FSCN1: variants seen among roughly 807,000 people sequenced by gnomAD.
FSCN1 encodes fascin.
Under a neutral mutation model 39.7 loss-of-function variants are expected in FSCN1, and 10 were observed. That is an observed-to-expected ratio of 0.25 (90% confidence interval 0.16 to 0.43). FSCN1 has a LOEUF of 0.43. FSCN1 is among the 20% of genes least tolerant of loss of function. The pLI, the probability that FSCN1 is intolerant of heterozygous loss-of-function variation, is 1.00. For synonymous variants in FSCN1, 322 were observed against 320.0 expected, an observed-to-expected ratio of 1.01 and a Z score of -0.07; for missense variants, 525 against 723.8, an observed-to-expected ratio of 0.73 and a Z score of 3.15.
intron 1 of FSCN1, among the ~76,000 whole-genome samples, chr7:5,597,425 G>T (rs1475962288): frequency 6.6e-6 from 1 of 151,736 alleles, no homozygotes; most frequent in African/African-American, 2.4e-5. Flanking sequence ...CAGCACTTTG[G>T]GAGTCCAAGG....
intron 1 of FSCN1, among the ~76,000 whole-genome samples, chr7:5,602,320 A>G (rs1200063544): frequency 6.6e-6 from 1 of 151,682 alleles, no homozygotes; most frequent in Non-Finnish European, 1.5e-5. Flanking sequence ...TGCAGGAGAT[A>G]TGAGCCACCG....
chr7:5,603,130 G>A lies in FSCN1; in HGVS notation c.833-127G>A. ...CTGCTTCTCATGTGTGCCACTGTGG[G>A]GACTCGGCCGCCCACCCCACCCCGT... On this transcript the variant is annotated intron_variant, in intron 1 of 4. Transcript: ENST00000382361. This position sits in a 1 kb window ranked among gnomAD's most constrained non-coding sequence, Gnocchi z 8.5. 4 of 1,021,774 alleles carry A rather than the reference G, an allele frequency of 3.9e-6. No individual in the cohort carries two copies. Among genetic ancestry groups the A allele is most frequent in the Non-Finnish European group, 5.9e-6 (4 of 683,206 alleles). The allele number at this position is 1,021,774 out of a possible 1,614,324, so 63.3% of individuals were successfully genotyped here.
rs916137697 is a variant in FSCN1 at position 5,599,959 on chromosome 7, G to A, written c.833-3298G>A. Among the ~76,000 whole-genome samples the A allele has an allele frequency of 1.3e-5, 2 of 152,204 alleles. No individual in the cohort carries two copies. The highest frequency in any genetic ancestry group is 4.8e-5 in the African/African-American group (2 of 41,448). ...AAGACACTCTCCAGCTCTGAGCCAG[G>A]CACCCATACAGAGCCCGGCAGACGC... On this transcript the variant is annotated intron_variant, in intron 1 of 4. Transcript: ENST00000382361. The surrounding 1 kb of genome is among the most constrained non-coding windows in gnomAD (Gnocchi z 5.6).
At chr7:5,604,124 C>T (rs763821497) in intron 4 of FSCN1, 94 bp downstream of exon 4, 7 of 1,244,472 alleles carry the variant, frequency 5.6e-6, no homozygotes, top group South Asian at 1.4e-5. Flanking sequence ...CCACACTGGA[C>T]CCTGGCTTGG....
At position 5,603,816 on chromosome 7, in the gene FSCN1, C is replaced by T. The variant is rs1263068984; in HGVS notation, c.1112-47C>T. The stretch of plus-strand genomic sequence containing the variant: ...CCTCTCTGGTCACCCCAGCCTCCAC[C>T]CCACTCCCTGCCAGGAGGCTCACTG... On this transcript the variant is annotated intron_variant, in intron 3 of 4. Transcript: ENST00000382361. The surrounding 1 kb of genome is among the most constrained non-coding windows in gnomAD (Gnocchi z 8.5). 5 of 1,583,622 alleles carry T rather than the reference C, an allele frequency of 3.2e-6. No homozygotes were observed. The Admixed American group carries it at 5.0e-5, about 16-fold the overall frequency.
Position 5,603,146 on chromosome 7 carries a change from C to G in FSCN1, c.833-111C>G. On this transcript the variant is annotated intron_variant, in intron 1 of 4. Coordinates refer to ENST00000382361, the MANE Select transcript of FSCN1 (RefSeq NM_003088.4). The surrounding 1 kb of genome is among the most constrained non-coding windows in gnomAD (Gnocchi z 8.5). ...CCACTGTGGGGACTCGGCCGCCCAC[C>G]CCACCCCGTGGTGTTACCTTGCGTG... 2.3e-6 allele frequency: 3 copies of G among 1,283,336 alleles called. No individual in the cohort carries two copies. Among genetic ancestry groups the G allele is most frequent in the Non-Finnish European group, 3.3e-6 (3 of 916,066 alleles). 79.5% of individuals were successfully genotyped at this position (1,283,336 alleles called of 1,614,324 possible).
rs1785861650 is a variant in FSCN1, at chr7:5,603,013, A to G, written c.833-244A>G. 3.6e-6 allele frequency: 2 copies of G among 553,026 alleles called. No individual in the cohort carries two copies. Among genetic ancestry groups the G allele is most frequent in the Non-Finnish European group, 6.5e-6 (2 of 308,788 alleles). 34.3% of individuals were successfully genotyped at this position (553,026 alleles called of 1,614,324 possible). A position where few individuals can be genotyped will look rare whatever the true frequency, so the allele number is the denominator to read the frequency against. ...GCATGAGCCCCTGTCCCTGGCCCCT[A>G]TTATTTCTCTAACTGGGGAAAGTCA... On this transcript the variant is annotated intron_variant, in intron 1 of 4. Coordinates refer to ENST00000382361, the MANE Select transcript of FSCN1 (RefSeq NM_003088.4). The surrounding 1 kb of genome is among the most constrained non-coding windows in gnomAD (Gnocchi z 8.5).
chr7:5,602,318 A>G (rs903057810), intron 1 of FSCN1, among the ~76,000 whole-genome samples: 2 of 151,146 alleles, frequency 1.3e-5, no homozygotes, highest in African/African-American at 4.9e-5. Flanking sequence ...ATTGCAGGAG[A>G]TATGAGCCAC....
intron 1 of FSCN1, among the ~76,000 whole-genome samples, chr7:5,601,911 C>A (rs1785837735): frequency 6.6e-6 from 1 of 150,742 alleles, no homozygotes; most frequent in Admixed American, 6.6e-5. Flanking sequence ...TGTAGGACTT[C>A]ATAGTTTCCT....
chr7:5,599,817 A>G lies in FSCN1; in HGVS notation c.833-3440A>G, dbSNP rs1401076636. 2.0e-5 allele frequency among the ~76,000 whole-genome samples: 3 copies of G among 151,876 alleles called. No homozygotes were observed. The highest frequency in any genetic ancestry group is 7.3e-5 in the African/African-American group (3 of 41,336). ...GCAAGACCCTATCTCTAAAAAAAAAATGGAATTGAGGATGTGTCCTCTGGG... is the reference window on the plus strand; with the variant it reads ...GCAAGACCCTATCTCTAAAAAAAAAGTGGAATTGAGGATGTGTCCTCTGGG... On this transcript the variant is annotated intron_variant, in intron 1 of 4. Transcript: ENST00000382361. The surrounding 1 kb of genome is among the most constrained non-coding windows in gnomAD (Gnocchi z 5.6).
chr7:5,594,022 G>T, intron 1 of FSCN1: 2 of 506,438 alleles, frequency 3.9e-6, no homozygotes, highest in Non-Finnish European at 3.4e-6. Context: ...CCGCGGAGTC[G>T]CAACCGTACG....
rs1296059650 is a variant in FSCN1 at position 5,593,766 on chromosome 7, A to T, written c.830A>T (p.Gln277Leu). 1 of 1,561,624 alleles carries T rather than the reference A, an allele frequency of 6.4e-7. No individual in the cohort carries two copies. The highest frequency in any genetic ancestry group is 8.6e-7 in the Non-Finnish European group (1 of 1,157,214). ...AANERNVSTR[Q>L]GMDLSANQDE... is the part of the protein sequence containing the mutation. ...AACGAGAGGAACGTGTCCACGCGCC[A>T]GGGTGAGTGGGGACGCTGCCCCCGC... Residue 277 changes from glutamine (Q) to leucine (L), a missense_variant and splice_region_variant, in exon 1 of 5, where the codon CAG (glutamine) becomes CTG (leucine). Coordinates refer to ENST00000382361, the MANE Select transcript of FSCN1 (RefSeq NM_003088.4).
chr7:5,597,562 G>A (rs1347338486), intron 1 of FSCN1, among the ~76,000 whole-genome samples: 1 of 151,854 alleles, frequency 6.6e-6, no homozygotes, highest in Non-Finnish European at 1.5e-5. Flanking sequence ...AGCTACTCTG[G>A]AGGCTGAGGC....
rs558846886 is a variant in FSCN1 at position 5,598,839 on chromosome 7, G to A, written c.833-4418G>A. On this transcript the variant is annotated intron_variant, in intron 1 of 4. Transcript: ENST00000382361. ...AGCGGGGCTTCAGCGGAGCCCCAGCGCATTGGACAGGTGGTGCTCTGTGGC... is the reference window on the plus strand; with the variant it reads ...AGCGGGGCTTCAGCGGAGCCCCAGCACATTGGACAGGTGGTGCTCTGTGGC... 1.6e-3 allele frequency among the ~76,000 whole-genome samples: 238 copies of A among 152,348 alleles called. 1 individual carries two copies. The highest frequency in any genetic ancestry group is 5.6e-3 in the African/African-American group (233 of 41,590).
chr7:5,603,354 C>G lies in FSCN1; in HGVS notation c.930C>G (p.His310Gln). The G allele has an allele frequency of 6.2e-7, 1 of 1,613,764 alleles. No individual in the cohort carries two copies. The highest frequency in any genetic ancestry group is 8.5e-7 in the Non-Finnish European group (1 of 1,180,022). ...CCAAAAAGTGTGCCTTCCGTACCCA[C>G]ACGGGCAAGTACTGGACGCTGACGG... ...RDTKKCAFRTHTGKYWTLTAT... is the reference protein window; with the variant it reads ...RDTKKCAFRTQTGKYWTLTAT... Residue 310 changes from histidine (H) to glutamine (Q), a missense_variant, in exon 2 of 5, where the codon CAC becomes CAG. This residue lies in a region of FSCN1 where 275 missense variants were observed against 351.9 expected (regional missense o/e 0.78). Coordinates refer to ENST00000382361, the MANE Select transcript of FSCN1 (RefSeq NM_003088.4). The surrounding 1 kb of genome is among the most constrained non-coding windows in gnomAD (Gnocchi z 8.5).
rs35078148 is a variant in FSCN1 at position 5,603,759 on chromosome 7, G to GGCT, written c.1112-103_1112-102insCTG. ...CTGGCCCCGCACTGTCCTACCCTGGGGACTGCTGTGTGACCCCAGCTCCTG... is the reference window on the plus strand; with the variant it reads ...CTGGCCCCGCACTGTCCTACCCTGGGGCTGACTGCTGTGTGACCCCAGCTCCTG... On this transcript the variant is annotated intron_variant, in intron 3 of 4. Coordinates refer to ENST00000382361, the MANE Select transcript of FSCN1 (RefSeq NM_003088.4). The surrounding 1 kb of genome is among the most constrained non-coding windows in gnomAD (Gnocchi z 8.5). 0.19 allele frequency: 276,906 copies of GGCT among 1,486,702 alleles called. 27,459 individuals are homozygous for GGCT. Among genetic ancestry groups the GGCT allele is most frequent in the African/African-American group, 0.31 (22,168 of 72,190 alleles). The allele number at this position is 1,486,702 out of a possible 1,614,324, so 92.1% of individuals were successfully genotyped here. A position where few individuals can be genotyped will look rare whatever the true frequency, so the allele number is the denominator to read the frequency against.
At position 5,592,867 on chromosome 7, in the gene FSCN1, A is replaced by AG; in HGVS notation, c.-66dup. ...GGCCGCGGCAGCCGAACAAAGGAGCAGGGGCGCCGCCGCAGGGACCCGCCA... is the reference window on the plus strand; with the variant it reads ...GGCCGCGGCAGCCGAACAAAGGAGCAGGGGGCGCCGCCGCAGGGACCCGCCA... On this transcript the variant is annotated 5_prime_UTR_variant, in exon 1 of 5. Coordinates refer to ENST00000382361, the MANE Select transcript of FSCN1 (RefSeq NM_003088.4). This position sits in a 1 kb window ranked among gnomAD's most constrained non-coding sequence, Gnocchi z 5.3. 1 of 912,136 alleles carries AG rather than the reference A, an allele frequency of 1.1e-6. No homozygotes were observed. The highest frequency in any genetic ancestry group is 1.6e-6 in the Non-Finnish European group (1 of 614,790). The allele number at this position is 912,136 out of a possible 1,614,324, so 56.5% of individuals were successfully genotyped here. A position where few individuals can be genotyped will look rare whatever the true frequency, so the allele number is the denominator to read the frequency against.
chr7:5,596,215 T>C (rs1785727790), intron 1 of FSCN1, among the ~76,000 whole-genome samples: 2 of 151,584 alleles, frequency 1.3e-5, no homozygotes, highest in South Asian at 4.2e-4. Context: ...GGGGGAGGCG[T>C]CTGCTTCCGA....
chr7:5,596,354 G>A (rs1463274938), intron 1 of FSCN1, among the ~76,000 whole-genome samples: 2 of 152,204 alleles, frequency 1.3e-5, no homozygotes, highest in African/African-American at 4.8e-5. Context: ...TTTGAAAAAC[G>A]CTGCGCCCTG....
Sources: gnomAD v4.1 joint callset for allele counts (sites outside exome capture counted in the v4.1 genomes callset) on GRCh38, gnomAD v4.1.1 for gene constraint, gnomAD v4.1.1 regional missense constraint, Gnocchi (gnomAD v3.1) non-coding constraint, MANE v1.5 for transcripts, NCBI Gene and HGNC (gene_info 2026-07-23, HGNC 2026-07-21) for gene names.